NKAIN2: variants seen among roughly 807,000 people sequenced by gnomAD.
NKAIN2 encodes the protein sodium/potassium-transporting ATPase subunit beta-1-interacting protein 2.
In NKAIN2, 14 loss-of-function variants were observed where a neutral mutation model predicts 32.6. The observed-to-expected ratio is 0.43, with a 90% CI of 0.28 to 0.67. The LOEUF (loss-of-function observed/expected upper bound fraction) is 0.67, where lower values mean the gene tolerates loss of function less well. NKAIN2 is among the 30% of genes least tolerant of loss of function. The pLI, the probability that NKAIN2 is intolerant of heterozygous loss-of-function variation, is 0.17. For missense variants in NKAIN2, 198 were observed against 258.3 expected (o/e 0.77, Z 1.60); for synonymous variants, 80 against 87.2 (o/e 0.92, Z 0.46).
At chr6:124,558,268 A>G (rs1780552764) in intron 3 of NKAIN2, among the ~76,000 whole-genome samples, 1 of 152,228 alleles carries the variant, frequency 6.6e-6, no homozygotes, top group Non-Finnish European at 1.5e-5. Context: ...GAAGGTATTC[A>G]GGACATCATG....
intron 3 of NKAIN2, among the ~76,000 whole-genome samples, chr6:124,454,519 A>G (rs1776247299): frequency 2.0e-5 from 3 of 152,068 alleles, no homozygotes; most frequent in Admixed American, 2.0e-4. Context: ...AATATATAGT[A>G]AACAAAGAGC....
At chr6:124,191,954 A>G (rs1790041042) in intron 1 of NKAIN2, among the ~76,000 whole-genome samples, 1 of 152,128 alleles carries the variant, frequency 6.6e-6, no homozygotes, top group South Asian at 2.1e-4. Context: ...ATGGTATTCC[A>G]AAATTTCTTC....
chr6:124,268,232 A>G (rs1050178061), intron 1 of NKAIN2, among the ~76,000 whole-genome samples: 1 of 152,224 alleles, frequency 6.6e-6, no homozygotes, highest in African/African-American at 2.4e-5. Flanking sequence ...GAGCAGAAGT[A>G]TGTGTAAGGA....
intron 1 of NKAIN2, among the ~76,000 whole-genome samples, chr6:124,074,693 C>T (rs1344797974): frequency 1.3e-5 from 2 of 152,170 alleles, no homozygotes; most frequent in African/African-American, 4.8e-5. Flanking sequence ...TTGAGCTATT[C>T]TTGCTCTTTA....
intron 4 of NKAIN2, among the ~76,000 whole-genome samples, chr6:124,724,577 G>T (rs1046274025): frequency 6.6e-6 from 1 of 152,134 alleles, no homozygotes; most frequent in Admixed American, 6.5e-5. Flanking sequence ...TCACTATAGT[G>T]TAAAGGAGTA....
chr6:123,980,361 G>A (rs1778830207), intron 1 of NKAIN2, among the ~76,000 whole-genome samples: 2 of 152,192 alleles, frequency 1.3e-5, no homozygotes, highest in African/African-American at 4.8e-5. Context: ...GGTCATGCAT[G>A]TCAGATAGTA....
At chr6:124,727,145 C>G (rs913138337) in intron 4 of NKAIN2, among the ~76,000 whole-genome samples, 3 of 151,612 alleles carry the variant, frequency 2.0e-5, no homozygotes, top group African/African-American at 7.3e-5. Context: ...AGGAGATTAT[C>G]CAGGAGAACT....
intron 1 of NKAIN2, among the ~76,000 whole-genome samples, chr6:124,229,544 A>ATAGATAGG (rs1792333560): frequency 6.6e-6 from 1 of 152,046 alleles, no homozygotes; most frequent in South Asian, 2.1e-4. Context: ...AGACAGACAG[A>ATAGATAGG]CAGACAGACA....
chr6:124,308,206 T>G (rs1796585844), intron 2 of NKAIN2, among the ~76,000 whole-genome samples: 1 of 151,930 alleles, frequency 6.6e-6, no homozygotes, highest in South Asian at 2.1e-4. Flanking sequence ...GTGTTCTCAT[T>G]TTTCAACTTC....
At chr6:124,134,415 G>A (rs529891103) in intron 1 of NKAIN2, among the ~76,000 whole-genome samples, 1 of 152,310 alleles carries the variant, frequency 6.6e-6, no homozygotes, top group Admixed American at 6.5e-5. Flanking sequence ...TAAGGGCACG[G>A]TGGCTCATAC....
chr6:124,726,972 A>G (rs1776356702), intron 4 of NKAIN2, among the ~76,000 whole-genome samples: 1 of 146,646 alleles, frequency 6.8e-6, no homozygotes. Flanking sequence ...GGAAGATGAA[A>G]TGAATGAAAT....
At chr6:124,452,226 C>A (rs1385587858) in intron 3 of NKAIN2, among the ~76,000 whole-genome samples, 1 of 150,890 alleles carries the variant, frequency 6.6e-6, no homozygotes, top group East Asian at 2.0e-4. Context: ...CGTAATCCTT[C>A]CTTTTTTATA....
intron 1 of NKAIN2, among the ~76,000 whole-genome samples, chr6:123,923,575 G>A (rs7767759): frequency 0.36 from 54,877 of 150,926 alleles, 10,424 homozygotes; most frequent in East Asian, 0.64. Flanking sequence ...GATTAAGAAA[G>A]TGTGGCACAT....
chr6:124,360,185 T>C (rs574609932), intron 3 of NKAIN2, among the ~76,000 whole-genome samples: 2 of 152,320 alleles, frequency 1.3e-5, no homozygotes, highest in Non-Finnish European at 1.5e-5. Flanking sequence ...CAGTATTTTA[T>C]TGAGGATTTT....
intron 4 of NKAIN2, among the ~76,000 whole-genome samples, chr6:124,686,557 C>T (rs1330638420): frequency 1.3e-5 from 2 of 152,040 alleles, no homozygotes; most frequent in Admixed American, 6.6e-5. Flanking sequence ...CATGAAAAAC[C>T]ACCACCATGA....
chr6:124,589,166 T>C (rs1037725306), intron 3 of NKAIN2, among the ~76,000 whole-genome samples: 2 of 152,178 alleles, frequency 1.3e-5, no homozygotes, highest in African/African-American at 2.4e-5. Flanking sequence ...GCAAAAAATA[T>C]GTATGCTTTA....
intron 4 of NKAIN2, among the ~76,000 whole-genome samples, chr6:124,740,749 G>A (rs1046071135): frequency 2.6e-5 from 4 of 151,920 alleles, no homozygotes; most frequent in African/African-American, 9.6e-5. Flanking sequence ...AGAGGAATGA[G>A]AGAGAAGGAG....
intron 4 of NKAIN2, among the ~76,000 whole-genome samples, chr6:124,687,374 C>A (rs1269447448): frequency 8.9e-6 from 1 of 112,790 alleles, no homozygotes; most frequent in African/African-American, 3.4e-5. Flanking sequence ...CATACACATA[C>A]ATGGAATATA....
intron 4 of NKAIN2, among the ~76,000 whole-genome samples, chr6:124,720,334 A>G (rs1226018505): frequency 6.6e-6 from 1 of 152,164 alleles, no homozygotes; most frequent in Non-Finnish European, 1.5e-5. Context: ...TCTCACCTTT[A>G]CCCGCAATTG....
Sources: gnomAD v4.1 joint callset for allele counts (sites outside exome capture counted in the v4.1 genomes callset) on GRCh38, gnomAD v4.1.1 for gene constraint, MANE v1.5 for transcripts, NCBI Gene and HGNC (gene_info 2026-07-23, HGNC 2026-07-21) for gene names.